ZBTB41: variants seen among roughly 807,000 people sequenced by gnomAD.
ZBTB41 encodes zinc finger and BTB domain containing 41.
Under a neutral mutation model 87.6 loss-of-function variants are expected in ZBTB41, and 42 were observed. The ratio of observed to expected loss-of-function variants is 0.48; its 90% CI spans 0.37 to 0.62. The LOEUF (loss-of-function observed/expected upper bound fraction) is 0.62. Ranked by LOEUF, ZBTB41 falls within the 20% of genes least tolerant of loss-of-function variation. The pLI is 0.00. For synonymous variants in ZBTB41, 364 were observed against 364.0 expected (o/e 1.00, Z 0.00); for missense variants, 799 against 1,078.9 (o/e 0.74, Z 3.63).
chr1:197,181,181 A>T, intron 5 of ZBTB41, 64 bp from the exon 6 acceptor site: 1 of 1,461,900 alleles, frequency 6.8e-7, no homozygotes, highest in Non-Finnish European at 9.1e-7. Context: ...GTTAAATTTA[A>T]TAGGTATGCT....
intron 10 of ZBTB41, among the ~76,000 whole-genome samples, chr1:197,160,359 G>A (rs990062382): frequency 1.3e-5 from 2 of 152,120 alleles, no homozygotes; most frequent in Admixed American, 6.6e-5. Context: ...ATAGGGCTTA[G>A]CACTGCACCT....
At chr1:197,175,431 A>AATATATATATATATATATATATCTAT (rs67302873) in intron 8 of ZBTB41, among the ~76,000 whole-genome samples, 1 of 71,558 alleles carries the variant, frequency 1.4e-5, no homozygotes, top group Admixed American at 1.9e-4. Flanking sequence ...AGGAATTTTA[A>AATATATATATATATATATATATCTAT]ATATATATAT....
rs1250934615 is a variant in ZBTB41, at chr1:197,175,068, T to G, written c.1927A>C (p.Arg643=). 2 of 1,611,486 alleles carry G rather than the reference T, an allele frequency of 1.2e-6. No homozygotes were observed. The highest frequency in any genetic ancestry group is 1.7e-6 in the Non-Finnish European group (2 of 1,178,512). ...TTGTAATGAACAGTGAGATGATCCC[T>G]ACGACCAAAACATTTTCCACATTCT... ...CEECGKCFGR[R]DHLTVHYKSV... is the part of the protein sequence containing the mutation. The change falls in exon 9 of 11, where the codon AGG becomes CGG. Residue 643 remains arginine, a synonymous_variant. Transcript: ENST00000367405.
At position 197,159,762 on chromosome 1, in the gene ZBTB41, A is replaced by AT; in HGVS notation, c.2326dup (p.Ile776AsnfsTer30). ...ATATTGTTTTGTTTCTGTTTGAAAG[A>AT]TTTTGTCATCAGATGAGTACTCAAC... On this transcript the variant is annotated frameshift_variant, in exon 11 of 11. Transcript: ENST00000367405. LOFTEE classifies it high-confidence loss of function. The AT allele has an allele frequency of 6.2e-7, 1 of 1,614,018 alleles. No homozygotes were observed. The highest frequency in any genetic ancestry group is 8.5e-7 in the Non-Finnish European group (1 of 1,179,914).
chr1:197,170,864 T>C (rs983742731), intron 10 of ZBTB41, among the ~76,000 whole-genome samples: 18 of 152,176 alleles, frequency 1.2e-4, no homozygotes, highest in African/African-American at 4.1e-4. Context: ...TGCTGACTTT[T>C]GCCTTCTATT....
At chr1:197,185,901 A>G (rs932318278) in intron 5 of ZBTB41, among the ~76,000 whole-genome samples, 1 of 152,182 alleles carries the variant, frequency 6.6e-6, no homozygotes, top group African/African-American at 2.4e-5. Flanking sequence ...ACTTCACAAC[A>G]TGATCTATAC....
rs1384428034 is a variant in ZBTB41 at position 197,200,299 on chromosome 1, C to G, written c.175G>C (p.Asp59His). The G allele has an allele frequency of 6.8e-6, 11 of 1,613,826 alleles. No homozygotes were observed. Among genetic ancestry groups the G allele is most frequent in the Non-Finnish European group, 9.3e-6 (11 of 1,179,956 alleles). ...AAAGAACTTAAAAGCTTTCTCTGAT[C>G]TGGAGAGGGAGGAAGTTCCTGGTAA... ...HCYQELPPSP[D>H]QRKLLSSLQY... The change falls in exon 2 of 11, where the codon GAT becomes CAT. Residue 59 changes from aspartate to histidine, a missense_variant. By Grantham distance (81) the Asp-to-His change is moderately conservative. Coordinates refer to ENST00000367405, the MANE Select transcript of ZBTB41 (RefSeq NM_194314.3).
chr1:197,187,624 C>A (rs550064205), intron 5 of ZBTB41, among the ~76,000 whole-genome samples: 4 of 151,878 alleles, frequency 2.6e-5, no homozygotes, highest in South Asian at 4.2e-4. Context: ...TATCTCCAAT[C>A]CACAGTTGGC....
At chr1:197,194,580 A>C (rs1481483198) in intron 2 of ZBTB41, among the ~76,000 whole-genome samples, 2 of 146,726 alleles carry the variant, frequency 1.4e-5, no homozygotes, top group Non-Finnish European at 3.0e-5. Context: ...GTAAGCTTCC[A>C]TTTCCCTACA....
chr1:197,160,018 T>C lies in ZBTB41; in HGVS notation c.2075-4A>G, dbSNP rs1165837109. The C allele has an allele frequency of 3.7e-6, 6 of 1,603,686 alleles. No homozygotes were observed. The highest frequency in any genetic ancestry group is 4.3e-6 in the Non-Finnish European group (5 of 1,172,982). ...TGACACTTGTATGGTTTTTCACCTA[T>C]ATGAATGAACAAGAATATAATTAGA... On this transcript the variant is annotated splice_region_variant and splice_polypyrimidine_tract_variant and intron_variant, in intron 10 of 10. Transcript: ENST00000367405.
At chr1:197,163,821 A>AGGG (rs1659254703) in intron 10 of ZBTB41, among the ~76,000 whole-genome samples, 1 of 152,084 alleles carries the variant, frequency 6.6e-6, no homozygotes. Context: ...CCAAAACCAA[A>AGGG]AATAACCTAT....
At chr1:197,185,891 A>G (rs7410943) in intron 5 of ZBTB41, among the ~76,000 whole-genome samples, 68,349 of 151,962 alleles carry the variant, frequency 0.45, 16,840 homozygotes, top group East Asian at 0.82. Context: ...GAAAGACTCA[A>G]CTTCACAACA....
chr1:197,193,575 G>T (rs1163000753), intron 2 of ZBTB41, among the ~76,000 whole-genome samples: 1 of 152,080 alleles, frequency 6.6e-6, no homozygotes, highest in Non-Finnish European at 1.5e-5. Context: ...TCAGCTCTCT[G>T]ATAACATTGG....
At chr1:197,186,509 G>A (rs1356321182) in intron 5 of ZBTB41, among the ~76,000 whole-genome samples, 1 of 152,138 alleles carries the variant, frequency 6.6e-6, no homozygotes, top group Non-Finnish European at 1.5e-5. Context: ...TATCTGATAA[G>A]TGTTATCCAA....
At chr1:197,192,696 A>T (rs1660065932) in intron 2 of ZBTB41, among the ~76,000 whole-genome samples, 1 of 152,178 alleles carries the variant, frequency 6.6e-6, no homozygotes, top group Non-Finnish European at 1.5e-5. Flanking sequence ...AAATAAATGT[A>T]TAAATAAATT....
chr1:197,180,587 T>C (rs934834935), intron 6 of ZBTB41, among the ~76,000 whole-genome samples: 1 of 148,440 alleles, frequency 6.7e-6, no homozygotes, highest in Non-Finnish European at 1.5e-5. Flanking sequence ...GTTAAATAGT[T>C]ATAGTAAAAG....
Position 197,156,796 on chromosome 1 carries a change from C to T in ZBTB41, c.*2563G>A, listed in dbSNP as rs570939518. ...CTATTACTTCACCAGAATTATATTA[C>T]GCATCTCCCAGACTAGGTTAAGATT... On this transcript the variant is annotated 3_prime_UTR_variant, in exon 11 of 11. Transcript: ENST00000367405. The T allele has an allele frequency of 4.6e-5, 7 of 152,274 alleles. No individual in the cohort carries two copies. The highest frequency in any genetic ancestry group is 1.0e-4 in the Non-Finnish European group (7 of 67,720). The allele number at this position is 152,274 out of a possible 1,614,324, so 9.4% of individuals were successfully genotyped here. A position where few individuals can be genotyped will look rare whatever the true frequency, so the allele number is the denominator to read the frequency against.
chr1:197,178,024 C>A (rs774529490), intron 7 of ZBTB41, among the ~76,000 whole-genome samples: 1 of 151,992 alleles, frequency 6.6e-6, no homozygotes, highest in South Asian at 2.1e-4. Context: ...ACTATTAATG[C>A]ACAGAAGACT....
At chr1:197,180,733 C>T (rs115048922) in intron 6 of ZBTB41, among the ~76,000 whole-genome samples, 2 of 151,472 alleles carry the variant, frequency 1.3e-5, no homozygotes, top group Non-Finnish European at 2.9e-5. Context: ...AAACAAAAAC[C>T]CTTAATCTAG....
Sources: allele counts gnomAD v4.1 joint callset (sites outside exome capture counted in the v4.1 genomes callset), GRCh38; gene constraint gnomAD v4.1.1; transcripts MANE v1.5; gene names NCBI Gene and HGNC (gene_info 2026-07-23, HGNC 2026-07-21).